Variants in APPL1 observed in about 807,000 individuals in gnomAD.
APPL1 encodes adaptor protein, phosphotyrosine interacting with PH domain and leucine zipper 1.
APPL1 carries 42 observed loss-of-function variants against 106.8 expected under a neutral mutation model. The observed-to-expected ratio is 0.39, with a 90% CI of 0.31 to 0.51. The LOEUF (loss-of-function observed/expected upper bound fraction) is 0.51, where lower values mean the gene tolerates loss of function less well. Ranked by LOEUF, APPL1 falls within the 20% of genes least tolerant of loss-of-function variation. The pLI, the probability that APPL1 is intolerant of heterozygous loss-of-function variation, is 0.75. For synonymous variants in APPL1, 263 were observed against 281.8 expected, an observed-to-expected ratio of 0.93 and a Z score of 0.67; for missense variants, 769 against 858.2, an observed-to-expected ratio of 0.90 and a Z score of 1.30.
chr3:57,237,369 TGAA>T, intron 2 of APPL1, 120 bp from the exon 3 acceptor site: 2 of 703,598 alleles, frequency 2.8e-6, no homozygotes, highest in South Asian at 1.8e-5. Context: ...AGTGATTTAA[TGAA>T]GGTTTTAAAA....
At chr3:57,259,807 TA>T (rs747343594) in intron 16 of APPL1, 37 bp from the exon 17 acceptor site, 14,413 of 1,070,138 alleles carry the variant, frequency 0.013, no homozygotes, top group South Asian at 0.021. Context: ...ATTTATACAG[TA>T]AAAAAAAAAT....
chr3:57,231,456 G>A (rs1404117562), intron 1 of APPL1, among the ~76,000 whole-genome samples: 1 of 150,612 alleles, frequency 6.6e-6, no homozygotes, highest in Non-Finnish European at 1.5e-5. Context: ...GTGAGCCACT[G>A]TACCAGGCCC....
chr3:57,238,826 T>C (rs953426796), intron 4 of APPL1, among the ~76,000 whole-genome samples: 13 of 152,190 alleles, frequency 8.5e-5, no homozygotes, highest in African/African-American at 3.1e-4. Context: ...ATTCATGATA[T>C]TTAGTGCATT....
intron 7 of APPL1, 66 bp downstream of exon 7, chr3:57,242,980 C>G (rs2060754739): frequency 3.4e-6 from 4 of 1,191,708 alleles, no homozygotes; most frequent in Non-Finnish European, 2.5e-6. Flanking sequence ...AGTTTTTCCT[C>G]TATCAAAATA....
intron 19 of APPL1, among the ~76,000 whole-genome samples, chr3:57,261,099 C>T (rs944090932): frequency 2.0e-5 from 3 of 151,998 alleles, no homozygotes; most frequent in African/African-American, 4.8e-5. Flanking sequence ...TTTCTTCATC[C>T]TCCCCCTTTC....
chr3:57,252,342 G>T, intron 12 of APPL1, 31 bp downstream of exon 12: 3 of 1,514,696 alleles, frequency 2.0e-6, no homozygotes, highest in South Asian at 2.4e-5. Flanking sequence ...TTTCTTCATT[G>T]ACATTTTAAA....
intron 5 of APPL1, among the ~76,000 whole-genome samples, chr3:57,240,807 T>A (rs768692566): frequency 1.3e-5 from 2 of 149,912 alleles, no homozygotes; most frequent in Non-Finnish European, 2.9e-5. Flanking sequence ...AACACTTATG[T>A]CTCTTATAAT....
At position 57,272,114 on chromosome 3, in the gene APPL1, G is replaced by A. The variant is rs2060945706; in HGVS notation, c.*2427G>A. ...CACATTCAGACTTACACTTAATGGT[G>A]TTAGAAATCAACAAAACTCCTTTTT... On this transcript the variant is annotated 3_prime_UTR_variant, in exon 22 of 22. Coordinates refer to ENST00000288266, the MANE Select transcript of APPL1 (RefSeq NM_012096.3). 6.6e-6 allele frequency: 1 copy of A among 152,144 alleles called. No homozygotes were observed. Among genetic ancestry groups the A allele is most frequent in the Admixed American group, 6.6e-5 (1 of 15,264 alleles). The allele number at this position is 152,144 out of a possible 1,614,324, so 9.4% of individuals were successfully genotyped here.
Position 57,228,393 on chromosome 3 carries a change from G to A in APPL1, c.54+456G>A, listed in dbSNP as rs936841368. ...GAAGGAAATGGATCGTTTTTCTTTGGGAGAGGCTGTAAGGTTGTGTGTGGA... is the reference window on the plus strand; with the variant it reads ...GAAGGAAATGGATCGTTTTTCTTTGAGAGAGGCTGTAAGGTTGTGTGTGGA... On this transcript the variant is annotated intron_variant, in intron 1 of 21. Coordinates refer to ENST00000288266, the MANE Select transcript of APPL1 (RefSeq NM_012096.3). This position sits in a 1 kb window ranked among gnomAD's most constrained non-coding sequence, Gnocchi z 4.6. 1.2e-4 allele frequency among the ~76,000 whole-genome samples: 19 copies of A among 152,176 alleles called. No individual in the cohort carries two copies. The highest frequency in any genetic ancestry group is 1.0e-3 in the Admixed American group (16 of 15,282).
chr3:57,258,370 A>C (rs968513772), intron 15 of APPL1, among the ~76,000 whole-genome samples: 2 of 152,128 alleles, frequency 1.3e-5, no homozygotes, highest in East Asian at 1.9e-4. Flanking sequence ...GTGTTGCCCT[A>C]GCAGATCTCA....
chr3:57,256,975 A>C lies in APPL1; in HGVS notation c.1171A>C (p.Asn391His), dbSNP rs765509889. 3 of 1,614,050 alleles carry C rather than the reference A, an allele frequency of 1.9e-6. No homozygotes were observed. Among genetic ancestry groups the C allele is most frequent in the Non-Finnish European group, 8.5e-7 (1 of 1,180,018 alleles). Reference sequence around the variant, plus strand: ...GAAATAGGAAACTGCTGCACGAGTAAATCAATCAGCTCTGGAAGCTGTCAC... The same window carrying C: ...GAAATAGGAAACTGCTGCACGAGTACATCAATCAGCTCTGGAAGCTGTCAC... Reference protein sequence around the residue: ...ENPEETAARVNQSALEAVTPS... With the variant: ...ENPEETAARVHQSALEAVTPS... Residue 391 changes from asparagine to histidine, a missense_variant, in exon 14 of 22, where the codon AAT becomes CAT. By Grantham distance (68) the Asn-to-His change is moderately conservative (BLOSUM62 1). Coordinates refer to ENST00000288266, the MANE Select transcript of APPL1 (RefSeq NM_012096.3).
At chr3:57,238,534 T>C (rs2060728651) in intron 4 of APPL1, among the ~76,000 whole-genome samples, 1 of 152,008 alleles carries the variant, frequency 6.6e-6, no homozygotes. Flanking sequence ...TCACAACAAA[T>C]CATTAAAACA....
intron 3 of APPL1, 126 bp downstream of exon 3, chr3:57,237,677 A>G (rs1028679503): frequency 1.8e-5 from 11 of 617,418 alleles, no homozygotes; most frequent in Admixed American, 3.5e-5. Flanking sequence ...TCATGATAGC[A>G]CTTATGTTCA....
intron 10 of APPL1, among the ~76,000 whole-genome samples, chr3:57,248,703 C>T (rs951988174): frequency 6.6e-6 from 1 of 152,080 alleles, no homozygotes; most frequent in Non-Finnish European, 1.5e-5. Context: ...AACCCCACCT[C>T]TACTAAAAAT....
intron 11 of APPL1, among the ~76,000 whole-genome samples, chr3:57,251,934 T>C (rs1447301097): frequency 6.6e-6 from 1 of 152,184 alleles, no homozygotes; most frequent in East Asian, 1.9e-4. Flanking sequence ...GAAATATATA[T>C]GAGTTCATAA....
At position 57,252,412 on chromosome 3, in the gene APPL1, CTAGT is replaced by C. The variant is rs2060809572; in HGVS notation, c.1095+104_1095+107del. On this transcript the variant is annotated intron_variant, in intron 12 of 21. Coordinates refer to ENST00000288266, the MANE Select transcript of APPL1 (RefSeq NM_012096.3). ...TTCATTGTAGAAATTTTGGAAAATC[CTAGT>C]TAATTAAAAATCTTTCTTTTTCTTT... 3.9e-6 allele frequency: 3 copies of C among 763,840 alleles called. No individual in the cohort carries two copies. In the African/African-American group the frequency reaches 5.5e-5, roughly 14 times the overall value. 47.3% of individuals were successfully genotyped at this position (763,840 alleles called of 1,614,324 possible). A position where few individuals can be genotyped will look rare whatever the true frequency, so the allele number is the denominator to read the frequency against.
chr3:57,266,939 T>G (rs1410941810), intron 19 of APPL1, among the ~76,000 whole-genome samples: 1 of 152,194 alleles, frequency 6.6e-6, no homozygotes, highest in African/African-American at 2.4e-5. Flanking sequence ...TCTATTCTGT[T>G]CCATTGGCCA....
At chr3:57,247,093 A>G (rs1208526376) in intron 8 of APPL1, among the ~76,000 whole-genome samples, 1 of 152,164 alleles carries the variant, frequency 6.6e-6, no homozygotes, top group Non-Finnish European at 1.5e-5. Context: ...AATACTTTAT[A>G]TAATTTATTG....
intron 19 of APPL1, among the ~76,000 whole-genome samples, chr3:57,267,279 G>C (rs545430244): frequency 6.6e-6 from 1 of 152,264 alleles, no homozygotes; most frequent in South Asian, 2.1e-4. Context: ...CTTGAGCAAA[G>C]CATCTCTGAA....
Sources: allele counts gnomAD v4.1 joint callset (sites outside exome capture counted in the v4.1 genomes callset), GRCh38; gene constraint gnomAD v4.1.1; non-coding constraint Gnocchi (gnomAD v3.1); transcripts MANE v1.5; gene names NCBI Gene and HGNC (gene_info 2026-07-23, HGNC 2026-07-21).